Variants in SLC7A14 observed in about 807,000 individuals in gnomAD.
The protein encoded by SLC7A14 is gamma-aminobutyric acid transporter SLC7A14.
SLC7A14 carries 37 observed loss-of-function variants against 60.2 expected under a neutral mutation model. The ratio of observed to expected loss-of-function variants is 0.61; its 90% CI spans 0.47 to 0.81. SLC7A14 has a LOEUF of 0.81. SLC7A14 is among the 30% of genes least tolerant of loss of function. SLC7A14 has a pLI of 0.00. For synonymous variants in SLC7A14, 399 were observed against 395.8 expected (o/e 1.01, Z -0.10); for missense variants, 886 against 982.7 (o/e 0.90, Z 1.32).
intron 1 of SLC7A14, among the ~76,000 whole-genome samples, chr3:170,550,768 T>C (rs984374962): frequency 2.0e-5 from 3 of 151,902 alleles, no homozygotes; most frequent in Non-Finnish European, 2.9e-5. Flanking sequence ...GTGATCTGCC[T>C]GCCTAGGCCT....
chr3:170,563,412 T>TG (rs1312429145), intron 1 of SLC7A14, among the ~76,000 whole-genome samples: 2 of 110,392 alleles, frequency 1.8e-5, no homozygotes, highest in Non-Finnish European at 3.6e-5. Context: ...ACTGTTTGTT[T>TG]GTTTGTTTTT....
intron 5 of SLC7A14, among the ~76,000 whole-genome samples, 193 bp downstream of exon 5, chr3:170,486,027 GAA>G (rs1294417591): frequency 1.4e-4 from 22 of 152,296 alleles, no homozygotes; most frequent in African/African-American, 5.1e-4. Context: ...AGGCTGAAGT[GAA>G]GTCCTGGGGC....
At position 170,579,853 on chromosome 3, in the gene SLC7A14, G is replaced by A. The variant is rs2901625; in HGVS notation, c.-153+6058C>T. Among the ~76,000 whole-genome samples, 861 of 152,302 alleles carry A rather than the reference G, an allele frequency of 5.7e-3. 8 individuals carry two copies. The highest frequency in any genetic ancestry group is 0.02 in the African/African-American group (821 of 41,560). ...GAAAAGAACACACAACTCCATTTAA[G>A]CTTTGAGTTTCTGAAGTTGCCTCAT... On this transcript the variant is annotated intron_variant, in intron 1 of 7. Transcript: ENST00000231706.
chr3:170,540,305 A>C (rs1713980643), intron 1 of SLC7A14, among the ~76,000 whole-genome samples: 1 of 152,184 alleles, frequency 6.6e-6, no homozygotes, highest in African/African-American at 2.4e-5. Context: ...AAAATATTAA[A>C]ATTTAGTTAG....
intron 2 of SLC7A14, among the ~76,000 whole-genome samples, chr3:170,506,754 C>T (rs781557308): frequency 7.9e-5 from 12 of 152,200 alleles, no homozygotes; most frequent in Non-Finnish European, 1.5e-4. Context: ...GCAGCCTACC[C>T]GGATTCCCTA....
At chr3:170,504,321 A>T (rs1298172330) in intron 2 of SLC7A14, among the ~76,000 whole-genome samples, 2 of 151,716 alleles carry the variant, frequency 1.3e-5, no homozygotes, top group East Asian at 1.9e-4. Context: ...TATTTTTTTA[A>T]TTTTTTTTAA....
rs533512125 is a variant in SLC7A14 at position 170,505,479 on chromosome 3, G to A, written c.305-4134C>T. Among the ~76,000 whole-genome samples the A allele has an allele frequency of 4.6e-5, 7 of 152,248 alleles. No homozygotes were observed. The South Asian group carries it at 1.0e-3, about 23-fold the overall frequency. ...ATTTATTTTTTAAAAAATCAAGTGC[G>A]TAGGAAGGTAACCATCTCTAGTTTT... On this transcript the variant is annotated intron_variant, in intron 2 of 7. Transcript: ENST00000231706.
At chr3:170,524,033 T>G (rs887994947) in intron 2 of SLC7A14, among the ~76,000 whole-genome samples, 14 of 152,184 alleles carry the variant, frequency 9.2e-5, no homozygotes, top group African/African-American at 3.4e-4. Context: ...AGAAGTGTTA[T>G]GTGGAGAGGA....
In SLC7A14 at chr3:170,486,249, C is replaced by G. The variant is rs746212258; in HGVS notation, c.879G>C (p.Leu293=). Residue 293 remains leucine (L), a synonymous_variant, in exon 5 of 8, where the codon CTG becomes CTC. Coordinates refer to ENST00000231706, the MANE Select transcript of SLC7A14 (RefSeq NM_020949.3). Reference sequence around the variant, plus strand: ...ACACATATGCTGTCAGGCAGATGACCAGGGAGGCAGTGATAGCATAAGGGA... The same window carrying G: ...ACACATATGCTGTCAGGCAGATGACGAGGGAGGCAGTGATAGCATAAGGGA... ...TSIPYAITAS[L]VICLTAYVSV... The G allele has an allele frequency of 6.2e-7, 1 of 1,614,174 alleles. No individual in the cohort carries two copies. The highest frequency in any genetic ancestry group is 1.1e-5 in the South Asian group (1 of 91,066).
intron 1 of SLC7A14, among the ~76,000 whole-genome samples, chr3:170,529,372 T>A (rs1713607755): frequency 6.6e-6 from 1 of 152,250 alleles, no homozygotes; most frequent in African/African-American, 2.4e-5. Context: ...TATGGAAACA[T>A]CATTTTTAAT....
At chr3:170,582,796 T>C (rs1715271501) in intron 1 of SLC7A14, among the ~76,000 whole-genome samples, 1 of 152,198 alleles carries the variant, frequency 6.6e-6, no homozygotes, top group Admixed American at 6.5e-5. Flanking sequence ...TGCTATGTTT[T>C]GGAGCAGGAT....
rs1156566184 is a variant in SLC7A14, at chr3:170,496,211, C to T, written c.759+2456G>A. On this transcript the variant is annotated intron_variant, in intron 4 of 7. Transcript: ENST00000231706. ...TCTCCCTGGACATGGACAGCATCAT[C>T]GCTGAGGTCAAGGCACAGTAGGAGG... 7.6e-6 allele frequency: 7 copies of T among 918,466 alleles called. 1 individual carries two copies. The highest frequency in any genetic ancestry group is 3.9e-5 in the South Asian group (3 of 77,276). 56.9% of individuals were successfully genotyped at this position (918,466 alleles called of 1,614,324 possible). A position where few individuals can be genotyped will look rare whatever the true frequency, so the allele number is the denominator to read the frequency against.
chr3:170,461,915 G>T lies in SLC7A14; in HGVS notation c.*5140C>A, dbSNP rs1340190091. ...AGCGCTGGCACACAGCCCTCGTGGCGACTTCTGGATGTGTTTCCTTTGCTC... is the reference window on the plus strand; with the variant it reads ...AGCGCTGGCACACAGCCCTCGTGGCTACTTCTGGATGTGTTTCCTTTGCTC... On this transcript the variant is annotated 3_prime_UTR_variant, in exon 8 of 8. Coordinates refer to ENST00000231706, the MANE Select transcript of SLC7A14 (RefSeq NM_020949.3). 6.6e-6 allele frequency: 1 copy of T among 152,558 alleles called. No individual in the cohort carries two copies. The highest frequency in any genetic ancestry group is 6.5e-5 in the Admixed American group (1 of 15,274). 9.5% of individuals were successfully genotyped at this position (152,558 alleles called of 1,614,324 possible).
At position 170,550,512 on chromosome 3, in the gene SLC7A14, A is replaced by ATTTTTTTTTTTTTTTTT. The variant is rs369436642; in HGVS notation, c.-152-23441_-152-23425dup. Among the ~76,000 whole-genome samples, 107 of 60,594 alleles carry ATTTTTTTTTTTTTTTTT rather than the reference A, an allele frequency of 1.8e-3. 15 individuals carry two copies. Among genetic ancestry groups the ATTTTTTTTTTTTTTTTT allele is most frequent in the Middle Eastern group, 0.014 (1 of 70 alleles). The allele number at this position is 60,594 out of a possible 152,430, so 39.8% of individuals were successfully genotyped here. A position where few individuals can be genotyped will look rare whatever the true frequency, so the allele number is the denominator to read the frequency against. On this transcript the variant is annotated intron_variant, in intron 1 of 7. Transcript: ENST00000231706. ...TAAACCTAATGCCATCTTTCCTTGA[A>ATTTTTTTTTTTTTTTTT]TTTTTTTTTTTTTTTTTTTTTTTTT... is the stretch of plus-strand genomic sequence containing the variant.
chr3:170,515,329 AAT>A (rs202179221), intron 2 of SLC7A14, among the ~76,000 whole-genome samples: 8,171 of 144,006 alleles, frequency 0.057, 280 homozygotes, highest in Middle Eastern at 0.15. Context: ...CCAAAAAAAA[AAT>A]ATATATATAT....
chr3:170,468,171 G>A (rs1375658499), intron 7 of SLC7A14, among the ~76,000 whole-genome samples: 1 of 152,174 alleles, frequency 6.6e-6, no homozygotes, highest in East Asian at 1.9e-4. Flanking sequence ...CTGTGTTGAT[G>A]TCATCCCAAT....
In SLC7A14 at chr3:170,530,864, C is replaced by A. The variant is rs77463909; in HGVS notation, c.-152-3776G>T. Among the ~76,000 whole-genome samples, 1,511 of 152,298 alleles carry A rather than the reference C, an allele frequency of 9.9e-3. 26 individuals carry two copies. The highest frequency in any genetic ancestry group is 0.034 in the African/African-American group (1,405 of 41,560). Reference sequence around the variant, plus strand: ...CTCCAGGAGAACCTCACAAGCTGTGCGCTGCTGGAATCGAGGAGAGAGGCC... The same window carrying A: ...CTCCAGGAGAACCTCACAAGCTGTGAGCTGCTGGAATCGAGGAGAGAGGCC... On this transcript the variant is annotated intron_variant, in intron 1 of 7. Coordinates refer to ENST00000231706, the MANE Select transcript of SLC7A14 (RefSeq NM_020949.3).
intron 7 of SLC7A14, among the ~76,000 whole-genome samples, chr3:170,469,790 C>T (rs1323722472): frequency 6.6e-6 from 1 of 152,088 alleles, no homozygotes; most frequent in Non-Finnish European, 1.5e-5. Context: ...TGATGCCCTT[C>T]TCTGACTTTG....
chr3:170,486,246 G>T lies in SLC7A14; in HGVS notation c.882C>A (p.Val294=). Reference sequence around the variant, plus strand: ...CAGACACATATGCTGTCAGGCAGATGACCAGGGAGGCAGTGATAGCATAAG... The same window carrying T: ...CAGACACATATGCTGTCAGGCAGATTACCAGGGAGGCAGTGATAGCATAAG... The part of the protein sequence containing the change: ...SIPYAITASL[V]ICLTAYVSVS... The change falls in exon 5 of 8, where the codon GTC becomes GTA. Residue 294 remains valine (V), a synonymous_variant. Coordinates refer to ENST00000231706, the MANE Select transcript of SLC7A14 (RefSeq NM_020949.3). 6.2e-7 allele frequency: 1 copy of T among 1,614,170 alleles called. No individual in the cohort carries two copies. Among genetic ancestry groups the T allele is most frequent in the Non-Finnish European group, 8.5e-7 (1 of 1,180,042 alleles).
Sources: gnomAD v4.1 joint callset for allele counts (sites outside exome capture counted in the v4.1 genomes callset) on GRCh38, gnomAD v4.1.1 for gene constraint, MANE v1.5 for transcripts, NCBI Gene and HGNC (gene_info 2026-07-23, HGNC 2026-07-21) for gene names.